The following NRK variants were observed in gnomAD, a reference collection of about 807,000 sequenced individuals.
NRK encodes nik-related protein kinase.
A neutral mutation model predicts 125.2 loss-of-function variants in NRK; 67 were observed. The observed-to-expected ratio is 0.54, with a 90% confidence interval of 0.44 to 0.66. The LOEUF is 0.66. NRK is among the 30% of genes least tolerant of loss of function. NRK has a pLI of 0.00. For missense variants in NRK, 1,224 were observed against 1,192.9 expected (o/e 1.03, Z -0.38); for synonymous variants, 458 against 429.0 (o/e 1.07, Z -0.84).
chrX:105,844,567 A>C (rs770108461), intron 2 of NRK, among the ~76,000 whole-genome samples: 7 of 111,749 alleles, frequency 6.3e-5, no homozygotes, highest in Non-Finnish European at 1.9e-5. Flanking sequence ...AGTGAAGTAT[A>C]ACTCACTGTC....
chrX:105,876,731 A>C (rs1362849020), intron 2 of NRK, among the ~76,000 whole-genome samples: 1 of 111,855 alleles, frequency 8.9e-6, no homozygotes, highest in African/African-American at 3.2e-5. Context: ...TTTGCCATAA[A>C]ACTCACATTC....
At chrX:105,866,972 C>T (rs781777142) in intron 2 of NRK, among the ~76,000 whole-genome samples, 3 of 110,588 alleles carry the variant, frequency 2.7e-5, no homozygotes, top group East Asian at 5.7e-4. Context: ...GTGTTGCAGA[C>T]AGGCATTCAG....
At chrX:105,890,724 C>T (rs777950010) in intron 5 of NRK, among the ~76,000 whole-genome samples, 5 of 111,333 alleles carry the variant, frequency 4.5e-5, no homozygotes, top group African/African-American at 1.6e-4. Flanking sequence ...TAGAAGAGCA[C>T]GGGAAAGACC....
At chrX:105,940,630 T>C (rs1456903467) in intron 23 of NRK, among the ~76,000 whole-genome samples, 1 of 111,753 alleles carries the variant, frequency 8.9e-6, no homozygotes, top group Non-Finnish European at 1.9e-5. Context: ...ATATACCCTG[T>C]ATCTTCACAA....
intron 24 of NRK, 127 bp from the exon 25 acceptor site, chrX:105,945,745 A>G (rs2040803138): frequency 1.9e-6 from 1 of 537,626 alleles, no homozygotes. Context: ...TCAGTCCTCT[A>G]CCGTGATCTG....
intron 5 of NRK, among the ~76,000 whole-genome samples, chrX:105,889,810 C>T (rs2039994143): frequency 8.9e-6 from 1 of 112,315 alleles, no homozygotes; most frequent in Non-Finnish European, 1.9e-5. Flanking sequence ...CTAGGCTGCA[C>T]ACAGCAAGAG....
intron 17 of NRK, among the ~76,000 whole-genome samples, 162 bp downstream of exon 17, chrX:105,922,223 A>G (rs1193430900): frequency 2.7e-5 from 3 of 112,479 alleles, no homozygotes; most frequent in Non-Finnish European, 5.6e-5. Context: ...CATAGAACAC[A>G]AAATCTAGAA....
At position 105,909,739 on chromosome X, in the gene NRK, T is replaced by G; in HGVS notation, c.2098T>G (p.Ser700Ala). ...GAGGCAAGCACTGGCAAAAAGACTATCACCAAAGAGGTTCAGGGCAAAGTC... is the reference window on the plus strand; with the variant it reads ...GAGGCAAGCACTGGCAAAAAGACTAGCACCAAAGAGGTTCAGGGCAAAGTC... Reference protein sequence around the residue: ...TLRQALAKRLSPKRFRAKSSW... With the variant: ...TLRQALAKRLAPKRFRAKSSW... The change falls in exon 13 of 29, where the codon TCA becomes GCA. Residue 700 changes from serine to alanine, a missense_variant. By Grantham distance (99) the Ser-to-Ala change is moderately conservative. Transcript: ENST00000243300. The G allele has an allele frequency of 1.7e-6, 2 of 1,182,889 alleles. No individual in the cohort carries two copies. Among genetic ancestry groups the G allele is most frequent in the Non-Finnish European group, 1.1e-6 (1 of 880,562 alleles).
intron 2 of NRK, among the ~76,000 whole-genome samples, chrX:105,857,039 A>G (rs2039540159): frequency 9.0e-6 from 1 of 111,605 alleles, no homozygotes; most frequent in Non-Finnish European, 1.9e-5. Flanking sequence ...TTTTGCATTT[A>G]TATTTATCAC....
chrX:105,895,203 C>T (rs772301455), intron 6 of NRK: 8 of 501,872 alleles, frequency 1.6e-5, no homozygotes, highest in South Asian at 7.9e-5. Context: ...TCTTTTTTTT[C>T]GTGGGTGTCC....
intron 2 of NRK, 60 bp from the exon 3 acceptor site, chrX:105,880,139 C>T: frequency 1.9e-6 from 1 of 521,592 alleles, no homozygotes; most frequent in Admixed American, 4.0e-5. Flanking sequence ...ACTTTAATTG[C>T]TTCTTGATAG....
In NRK at chrX:105,859,433, G is replaced by T. The variant is rs184436995; in HGVS notation, c.124-20766G>T. ...CAAGGAGCATCAATAAATGAAACCT[G>T]CCAGATAAGGTTCTCCAGTGATAAA... On this transcript the variant is annotated intron_variant, in intron 2 of 28. Coordinates refer to ENST00000243300, the MANE Select transcript of NRK (RefSeq NM_198465.4). 6.4e-4 allele frequency among the ~76,000 whole-genome samples: 72 copies of T among 111,777 alleles called. 1 individual carries two copies. The highest frequency in any genetic ancestry group is 2.3e-3 in the African/African-American group (70 of 30,835).
At chrX:105,825,660 G>A (rs1318575415) in intron 1 of NRK, among the ~76,000 whole-genome samples, 1 of 111,035 alleles carries the variant, frequency 9.0e-6, no homozygotes, top group Non-Finnish European at 1.9e-5. Context: ...TGAAAGCTAG[G>A]AAACAAGAAA....
intron 6 of NRK, chrX:105,895,193 T>TC: frequency 5.9e-6 from 3 of 507,092 alleles, no homozygotes; most frequent in Non-Finnish European, 1.1e-5. Flanking sequence ...CTTTTGGTGC[T>TC]CTTTTTTTTC....
intron 2 of NRK, among the ~76,000 whole-genome samples, chrX:105,878,740 C>T (rs2039847597): frequency 2.7e-5 from 3 of 111,092 alleles, no homozygotes; most frequent in African/African-American, 6.5e-5. Context: ...TGGCATGCTC[C>T]GCCCTAAACT....
intron 2 of NRK, among the ~76,000 whole-genome samples, chrX:105,854,033 A>G (rs1164229403): frequency 9.0e-6 from 1 of 111,692 alleles, no homozygotes; most frequent in Non-Finnish European, 1.9e-5. Flanking sequence ...AGCTTAGTAC[A>G]ATGGTTTGGA....
intron 22 of NRK, among the ~76,000 whole-genome samples, chrX:105,938,944 G>C (rs1206289464): frequency 1.8e-5 from 2 of 111,056 alleles, no homozygotes; most frequent in Non-Finnish European, 1.9e-5. Flanking sequence ...AGAGCGAAGG[G>C]GGGAGAAGCC....
At chrX:105,867,206 C>T (rs1006007340) in intron 2 of NRK, among the ~76,000 whole-genome samples, 2 of 111,375 alleles carry the variant, frequency 1.8e-5, no homozygotes, top group Non-Finnish European at 3.8e-5. Context: ...CGAAGCATAA[C>T]GTAATTGGTT....
intron 2 of NRK, among the ~76,000 whole-genome samples, chrX:105,857,090 G>A (rs1052335229): frequency 9.0e-6 from 1 of 111,594 alleles, no homozygotes; most frequent in Non-Finnish European, 1.9e-5. Flanking sequence ...TTGTCCTGGA[G>A]TAATTTTGAG....
Sources: gnomAD v4.1 joint callset for allele counts (sites outside exome capture counted in the v4.1 genomes callset) on GRCh38, gnomAD v4.1.1 for gene constraint, MANE v1.5 for transcripts, NCBI Gene and HGNC (gene_info 2026-07-23, HGNC 2026-07-21) for gene names.